AASDHPPT: variants seen among roughly 807,000 people sequenced by gnomAD.
The protein encoded by AASDHPPT is L-aminoadipate-semialdehyde dehydrogenase-phosphopantetheinyl transferase.
AASDHPPT carries 23 observed loss-of-function variants against 36.4 expected under a neutral mutation model. The ratio of observed to expected loss-of-function variants is 0.63; its 90% CI spans 0.45 to 0.89. The LOEUF (loss-of-function observed/expected upper bound fraction) is 0.89. AASDHPPT is among the 40% of genes least tolerant of loss of function. The pLI is 0.00. For synonymous variants in AASDHPPT, 115 were observed against 128.0 expected (o/e 0.90, Z 0.68); for missense variants, 377 against 378.2 (o/e 1.00, Z 0.03).
At chr11:106,087,319 G>A (rs1221923021) in intron 2 of AASDHPPT, among the ~76,000 whole-genome samples, 3 of 152,028 alleles carry the variant, frequency 2.0e-5, no homozygotes. Context: ...TAAGCATTAC[G>A]GTGTACATAC....
chr11:106,085,424 C>A (rs953277595), intron 2 of AASDHPPT, among the ~76,000 whole-genome samples: 1 of 152,174 alleles, frequency 6.6e-6, no homozygotes, highest in Non-Finnish European at 1.5e-5. Context: ...CTTACTAGAA[C>A]ACAATGTAAT....
intron 1 of AASDHPPT, 136 bp downstream of exon 1, chr11:106,078,029 G>C (rs1200137546): frequency 1.7e-6 from 2 of 1,169,912 alleles, no homozygotes; most frequent in Non-Finnish European, 2.3e-6. Context: ...CCGGGCGACA[G>C]CAGCCGGCGC....
chr11:106,090,625 A>G lies in AASDHPPT; in HGVS notation c.478A>G (p.Ile160Val), dbSNP rs1861246384. Residue 160 changes from isoleucine (I) to valine (V), a missense_variant, in exon 3 of 6, where the codon ATC (isoleucine) becomes GTC (valine). By Grantham distance (29) the Ile-to-Val change is conservative (BLOSUM62 3). Transcript: ENST00000278618. ...RKFTNKEWET[I>V]RSFKDEWTQL... ...GTTTACCAACAAAGAATGGGAAACAATCAGAAGCTTTAAGGATGAGTGGAC... is the reference window on the plus strand; with the variant it reads ...GTTTACCAACAAAGAATGGGAAACAGTCAGAAGCTTTAAGGATGAGTGGAC... 1.2e-6 allele frequency: 2 copies of G among 1,602,892 alleles called. No individual in the cohort carries two copies. Among genetic ancestry groups the G allele is most frequent in the African/African-American group, 1.3e-5 (1 of 74,222 alleles).
chr11:106,077,900 C>T lies in AASDHPPT; in HGVS notation c.183+7C>T. ...GGACGCTAAGGCAGCCATGGTACTA[C>T]AGGTCTTTTTTGGTATTTAGAGCCT... is the stretch of plus-strand genomic sequence containing the variant. On this transcript the variant is annotated splice_region_variant and intron_variant, in intron 1 of 5. Coordinates refer to ENST00000278618, the MANE Select transcript of AASDHPPT (RefSeq NM_015423.3). 1.9e-6 allele frequency: 3 copies of T among 1,613,446 alleles called. No individual in the cohort carries two copies. Among genetic ancestry groups the T allele is most frequent in the Non-Finnish European group, 1.7e-6 (2 of 1,179,492 alleles).
chr11:106,082,040 G>A (rs912255847), intron 2 of AASDHPPT, among the ~76,000 whole-genome samples: 6 of 151,800 alleles, frequency 4.0e-5, no homozygotes, highest in Non-Finnish European at 8.8e-5. Flanking sequence ...AATAAATGAT[G>A]GAAAGACAAT....
At chr11:106,079,929 A>C (rs2135035186) in intron 2 of AASDHPPT, among the ~76,000 whole-genome samples, 1 of 152,314 alleles carries the variant, frequency 6.6e-6, no homozygotes, top group African/African-American at 2.4e-5. Context: ...CTTTGCCTAG[A>C]GGTAAAGTGA....
chr11:106,094,418 A>G, intron 4 of AASDHPPT, 165 bp from the exon 5 acceptor site: 1 of 468,134 alleles, frequency 2.1e-6, no homozygotes, highest in Non-Finnish European at 3.7e-6. Flanking sequence ...GTAACTTCTA[A>G]AGTAGTTTAG....
chr11:106,084,076 GCAGT>G (rs1228071596), intron 2 of AASDHPPT, among the ~76,000 whole-genome samples: 1 of 151,966 alleles, frequency 6.6e-6, no homozygotes, highest in Non-Finnish European at 1.5e-5. Flanking sequence ...ACAAATTCAA[GCAGT>G]CAGTAAGCTA....
At chr11:106,093,365 C>T (rs1279248148) in intron 4 of AASDHPPT, 1 of 152,082 alleles carries the variant, frequency 6.6e-6, no homozygotes, top group Non-Finnish European at 1.5e-5. Context: ...ATCTTATATG[C>T]TAAATTTCTG....
chr11:106,079,422 T>G (rs190295304), intron 1 of AASDHPPT, 45 bp from the exon 2 acceptor site: 16 of 1,487,018 alleles, frequency 1.1e-5, no homozygotes, highest in Admixed American at 2.1e-5. Context: ...TGCTTGTATC[T>G]TTAGTAGACA....
At position 106,097,548 on chromosome 11, in the gene AASDHPPT, C is replaced by T. The variant is rs972271643; in HGVS notation, c.*641C>T. The T allele has an allele frequency of 2.6e-5, 4 of 152,052 alleles. No homozygotes were observed. The highest frequency in any genetic ancestry group is 5.9e-5 in the Non-Finnish European group (4 of 67,992). 9.4% of individuals were successfully genotyped at this position (152,052 alleles called of 1,614,324 possible). A position where few individuals can be genotyped will look rare whatever the true frequency, so the allele number is the denominator to read the frequency against. ...TAAAGACACACTTTTTTTGCCTTGA[C>T]CTCAGTTGGTTTGTTTTGCCTTAGG... is the stretch of plus-strand genomic sequence containing the variant. On this transcript the variant is annotated 3_prime_UTR_variant, in exon 6 of 6. Coordinates refer to ENST00000278618, the MANE Select transcript of AASDHPPT (RefSeq NM_015423.3).
intron 2 of AASDHPPT, among the ~76,000 whole-genome samples, chr11:106,087,003 A>G (rs1317409574): frequency 1.3e-5 from 2 of 152,198 alleles, no homozygotes; most frequent in Non-Finnish European, 2.9e-5. Context: ...TTCGCAGCCC[A>G]GTAGTTCTAG....
intron 2 of AASDHPPT, among the ~76,000 whole-genome samples, chr11:106,089,181 T>TA (rs1369256401): frequency 1.3e-5 from 2 of 152,078 alleles, no homozygotes; most frequent in African/African-American, 4.8e-5. Flanking sequence ...AATTAGTGAT[T>TA]AAATGCCAGT....
At chr11:106,083,051 A>T (rs1329651448) in intron 2 of AASDHPPT, among the ~76,000 whole-genome samples, 3 of 151,600 alleles carry the variant, frequency 2.0e-5, no homozygotes, top group African/African-American at 2.4e-5. Flanking sequence ...TTTTTTTTTT[A>T]AATGCACTTG....
intron 3 of AASDHPPT, 54 bp from the exon 4 acceptor site, chr11:106,091,262 A>G (rs1373996843): frequency 9.3e-6 from 14 of 1,504,380 alleles, no homozygotes; most frequent in Non-Finnish European, 1.3e-5. Flanking sequence ...TGTAGATTCT[A>G]TGAAAAATTT....
chr11:106,095,318 A>G (rs1199913094), intron 5 of AASDHPPT, among the ~76,000 whole-genome samples: 6 of 152,164 alleles, frequency 3.9e-5, no homozygotes, highest in Non-Finnish European at 8.8e-5. Flanking sequence ...TTGAAGGTTG[A>G]TGAGTAATGG....
chr11:106,085,439 T>A (rs1158165775), intron 2 of AASDHPPT, among the ~76,000 whole-genome samples: 3 of 152,226 alleles, frequency 2.0e-5, no homozygotes, highest in African/African-American at 7.2e-5. Flanking sequence ...TGTAATTGTA[T>A]ATTTGAGCAA....
intron 2 of AASDHPPT, chr11:106,086,263 C>T (rs1861195917): frequency 6.6e-6 from 1 of 152,146 alleles, no homozygotes; most frequent in Admixed American, 6.5e-5. Context: ...CTTGCTTCTT[C>T]CTAGTTTCTG....
At chr11:106,086,754 T>C (rs1370150308) in intron 2 of AASDHPPT, among the ~76,000 whole-genome samples, 1 of 152,166 alleles carries the variant, frequency 6.6e-6, no homozygotes, top group African/African-American at 2.4e-5. Flanking sequence ...ATTCCTCTCA[T>C]CTGTGGACTT....
Sources: gnomAD v4.1 joint callset for allele counts (sites outside exome capture counted in the v4.1 genomes callset) on GRCh38, gnomAD v4.1.1 for gene constraint, MANE v1.5 for transcripts, NCBI Gene and HGNC (gene_info 2026-07-23, HGNC 2026-07-21) for gene names.